Variants in UBN1 observed in about 807,000 individuals in gnomAD.
UBN1 encodes ubinuclein 1.
In UBN1, 17 loss-of-function variants were observed where a neutral mutation model predicts 108.5. The ratio of observed to expected loss-of-function variants is 0.16; its 90% CI spans 0.11 to 0.24. UBN1 has a LOEUF of 0.24. UBN1 is among the 10% of genes least tolerant of loss of function. The probability of loss-of-function intolerance (pLI) is 1.00; values close to 1 mark genes in which losing one functional copy is unlikely to be tolerated. For synonymous variants in UBN1, 726 were observed against 564.2 expected, an observed-to-expected ratio of 1.29 and a Z score of -4.07; for missense variants, 1,595 against 1,394.4, an observed-to-expected ratio of 1.14 and a Z score of -2.29.
At chr16:4,880,043 A>C in intron 17 of UBN1, 40 bp from the exon 18 acceptor site, 1 of 1,611,446 alleles carries the variant, frequency 6.2e-7, no homozygotes, top group Non-Finnish European at 8.5e-7. Context: ...ATCAGAGAGC[A>C]TGAAAAACTT....
Position 4,859,965 on chromosome 16 carries a change from C to G in UBN1, c.668C>G (p.Ala223Gly). Residue 223 changes from alanine (A) to glycine (G), a missense_variant, in exon 6 of 18, where the codon GCC (alanine) becomes GGC (glycine). Coordinates refer to ENST00000262376, the MANE Select transcript of UBN1 (RefSeq NM_001079514.3). ...TCGAAAAAGTCCAAGTTTTCCAAAGCCGGGTGAGAGGCAGCAGCTTCTTTG... is the reference window on the plus strand; with the variant it reads ...TCGAAAAAGTCCAAGTTTTCCAAAGGCGGGTGAGAGGCAGCAGCTTCTTTG... ...KKSKKSKFSK[A>G]GFTALNASKE... 1 of 1,614,104 alleles carries G rather than the reference C, an allele frequency of 6.2e-7. No individual in the cohort carries two copies. Among genetic ancestry groups the G allele is most frequent in the Non-Finnish European group, 8.5e-7 (1 of 1,179,986 alleles).
intron 4 of UBN1, 35 bp downstream of exon 4, chr16:4,858,698 C>G: frequency 1.3e-6 from 2 of 1,597,940 alleles, no homozygotes; most frequent in Non-Finnish European, 1.7e-6. Flanking sequence ...GTCAGACCCA[C>G]TGTACCTGTA....
Position 4,859,846 on chromosome 16 carries a change from C to T in UBN1, c.568-19C>T, listed in dbSNP as rs1404405132. 2 of 1,613,534 alleles carry T rather than the reference C, an allele frequency of 1.2e-6. No homozygotes were observed. The highest frequency in any genetic ancestry group is 1.7e-4 in the Middle Eastern group (1 of 6,060). On this transcript the variant is annotated intron_variant, in intron 5 of 17. Coordinates refer to ENST00000262376, the MANE Select transcript of UBN1 (RefSeq NM_001079514.3). ...TGAGTTAGGGAGCCGTGTAACTGTG[C>T]CTTGTCTTTAATTCTCAGAAGCGGA...
At chr16:4,864,039 G>A (rs1008995235) in intron 7 of UBN1, among the ~76,000 whole-genome samples, 10 of 151,746 alleles carry the variant, frequency 6.6e-5, no homozygotes, top group African/African-American at 2.2e-4. Flanking sequence ...TTCTTTGTGG[G>A]AGGAATCTGT....
chr16:4,874,368 C>T lies in UBN1; in HGVS notation c.1958C>T (p.Pro653Leu), dbSNP rs980673640. Residue 653 changes from proline to leucine, a missense_variant, in exon 15 of 18, where the codon CCT (proline) becomes CTT (leucine). By Grantham distance (98) the Pro-to-Leu change is moderately conservative (BLOSUM62 -3). Transcript: ENST00000262376. ...GCATCGGGCGGCCTTGCTAACCCTC[C>T]TCCTGTCAACCTGGAGGACTCATTG... ...SQASGGLANP[P>L]PVNLEDSLDE... 2 of 1,614,148 alleles carry T rather than the reference C, an allele frequency of 1.2e-6. No homozygotes were observed. Among genetic ancestry groups the T allele is most frequent in the South Asian group, 2.2e-5 (2 of 91,074 alleles).
chr16:4,866,305 G>T (rs1180081483), intron 7 of UBN1, among the ~76,000 whole-genome samples: 1 of 152,100 alleles, frequency 6.6e-6, no homozygotes, highest in African/African-American at 2.4e-5. Flanking sequence ...CTTTCACCTA[G>T]CCAAGGGATC....
rs993398583 is a variant in UBN1 at position 4,855,152 on chromosome 16, G to C, written c.249+1986G>C. Among the ~76,000 whole-genome samples, 14 of 152,268 alleles carry C rather than the reference G, an allele frequency of 9.2e-5. 2 individuals carry two copies. In the South Asian group the frequency reaches 2.9e-3, roughly 32 times the overall value. ...CTCTTAGTGAAATGGGGATGAGGCTGGTAATTGGTTCACAGTTGTCTGAGT... is the reference window on the plus strand; with the variant it reads ...CTCTTAGTGAAATGGGGATGAGGCTCGTAATTGGTTCACAGTTGTCTGAGT... On this transcript the variant is annotated intron_variant, in intron 2 of 17. Coordinates refer to ENST00000262376, the MANE Select transcript of UBN1 (RefSeq NM_001079514.3).
chr16:4,864,231 C>T (rs2087214266), intron 7 of UBN1, among the ~76,000 whole-genome samples: 3 of 151,942 alleles, frequency 2.0e-5, no homozygotes, highest in Admixed American at 6.6e-5. Context: ...GGATTACAGG[C>T]GTGAGCCACT....
Position 4,882,348 on chromosome 16 carries a change from A to G in UBN1, c.*2216A>G, listed in dbSNP as rs1364830247. On this transcript the variant is annotated 3_prime_UTR_variant, in exon 18 of 18. Transcript: ENST00000262376. ...ATAAAGCAATTCAATAAATTGTTTC[A>G]AGGTTTCCAAAACATTTTTTCTCAC... 6.6e-6 allele frequency: 1 copy of G among 152,190 alleles called. No homozygotes were observed. The highest frequency in any genetic ancestry group is 1.5e-5 in the Non-Finnish European group (1 of 68,028). The allele number at this position is 152,190 out of a possible 1,614,324, so 9.4% of individuals were successfully genotyped here.
intron 13 of UBN1, 38 bp downstream of exon 13, chr16:4,872,972 T>G (rs2087717000): frequency 1.2e-5 from 19 of 1,614,104 alleles, no homozygotes; most frequent in Middle Eastern, 1.6e-4. Context: ...GGGACAAGTG[T>G]TGTTTTTGGT....
chr16:4,851,747 T>G (rs1246732378), intron 1 of UBN1, among the ~76,000 whole-genome samples: 15 of 152,064 alleles, frequency 9.9e-5, no homozygotes. Context: ...TGCTTGAGCC[T>G]GGGAGGTTGA....
rs1160864227 is a variant in UBN1, at chr16:4,858,477, C to G, written c.337-91C>G. On this transcript the variant is annotated intron_variant, in intron 3 of 17. Transcript: ENST00000262376. Reference sequence around the variant, plus strand: ...GTGACTGTTTTAGTTAGTGCATTACCTCTTTGAGTCATAGCTGATGAAGTT... The same window carrying G: ...GTGACTGTTTTAGTTAGTGCATTACGTCTTTGAGTCATAGCTGATGAAGTT... The G allele has an allele frequency of 3.4e-6, 4 of 1,163,024 alleles. No individual in the cohort carries two copies. The East Asian group carries it at 7.3e-5, about 21-fold the overall frequency. 72.0% of individuals were successfully genotyped at this position (1,163,024 alleles called of 1,614,324 possible). A position where few individuals can be genotyped will look rare whatever the true frequency, so the allele number is the denominator to read the frequency against.
intron 1 of UBN1, chr16:4,852,366 T>C (rs2086599901): frequency 6.5e-6 from 1 of 153,152 alleles, no homozygotes; most frequent in South Asian, 2.0e-4. Context: ...GTAACTTTGT[T>C]AGGAAGTGAG....
intron 7 of UBN1, among the ~76,000 whole-genome samples, chr16:4,863,875 A>G (rs1256204239): frequency 2.0e-5 from 3 of 151,842 alleles, no homozygotes; most frequent in Non-Finnish European, 4.4e-5. Flanking sequence ...ACATCTCAAG[A>G]GGGGAAAGGT....
intron 12 of UBN1, chr16:4,872,356 G>A: frequency 1.0e-6 from 1 of 984,570 alleles, no homozygotes; most frequent in Non-Finnish European, 1.2e-6. Flanking sequence ...CATTTTCTTG[G>A]TAAAGGCCAG....
Position 4,864,229 on chromosome 16 carries a change from G to C in UBN1, c.1110+3127G>C, listed in dbSNP as rs559234376. ...AGCCTCCCGAGTAGCTGGGATTACA[G>C]GCGTGAGCCACTGCGCCTGGCCTGT... On this transcript the variant is annotated intron_variant, in intron 7 of 17. Coordinates refer to ENST00000262376, the MANE Select transcript of UBN1 (RefSeq NM_001079514.3). 1.8e-4 allele frequency among the ~76,000 whole-genome samples: 28 copies of C among 152,128 alleles called. 1 individual carries two copies. Among genetic ancestry groups the C allele is most frequent in the African/African-American group, 6.5e-4 (27 of 41,500 alleles).
intron 7 of UBN1, among the ~76,000 whole-genome samples, chr16:4,867,496 G>T (rs1402017465): frequency 6.6e-6 from 1 of 152,176 alleles, no homozygotes; most frequent in Non-Finnish European, 1.5e-5. Context: ...GCCTATACCA[G>T]GCGTTGACTG....
chr16:4,877,859 A>G lies in UBN1; in HGVS notation c.3355+385A>G, dbSNP rs2087961158. 4.0e-6 allele frequency: 4 copies of G among 994,612 alleles called. No individual in the cohort carries two copies. Among genetic ancestry groups the G allele is most frequent in the Admixed American group, 6.0e-5 (1 of 16,640 alleles). The allele number at this position is 994,612 out of a possible 1,614,324, so 61.6% of individuals were successfully genotyped here. A position where few individuals can be genotyped will look rare whatever the true frequency, so the allele number is the denominator to read the frequency against. Reference sequence around the variant, plus strand: ...TCTCCAAGGGCTAATTGGGTACAACAAGGTCTTGGAATGCAAGCTGCTCCA... The same window carrying G: ...TCTCCAAGGGCTAATTGGGTACAACGAGGTCTTGGAATGCAAGCTGCTCCA... On this transcript the variant is annotated intron_variant, in intron 17 of 17. Coordinates refer to ENST00000262376, the MANE Select transcript of UBN1 (RefSeq NM_001079514.3). The surrounding 1 kb of genome is among the most constrained non-coding windows in gnomAD (Gnocchi z 4.3).
chr16:4,857,074 G>T (rs992906290), intron 2 of UBN1, among the ~76,000 whole-genome samples: 1 of 152,104 alleles, frequency 6.6e-6, no homozygotes, highest in Middle Eastern at 3.2e-3. Context: ...GGGTGTGGTG[G>T]CTCTCGCCTG....
Sources: gnomAD v4.1 joint callset for allele counts (sites outside exome capture counted in the v4.1 genomes callset) on GRCh38, gnomAD v4.1.1 for gene constraint, Gnocchi (gnomAD v3.1) non-coding constraint, MANE v1.5 for transcripts, NCBI Gene and HGNC (gene_info 2026-07-23, HGNC 2026-07-21) for gene names.